TNNI3K: variants seen among roughly 807,000 people sequenced by gnomAD.
The protein encoded by TNNI3K is TNNI3 interacting kinase.
TNNI3K carries 140 observed loss-of-function variants against 114.5 expected under a neutral mutation model. The ratio of observed to expected loss-of-function variants is 1.22; its 90% CI spans 1.07 to 1.41. The LOEUF (loss-of-function observed/expected upper bound fraction) is 1.41, where lower values mean the gene tolerates loss of function less well. TNNI3K is among the 40% of genes most tolerant of loss of function. The pLI is 0.00. For missense variants in TNNI3K, 1,125 were observed against 1,007.6 expected, an observed-to-expected ratio of 1.12 and a Z score of -1.58; for synonymous variants, 347 against 347.5, an observed-to-expected ratio of 1.00 and a Z score of 0.02.
intron 5 of TNNI3K, among the ~76,000 whole-genome samples, chr1:74,279,329 T>C (rs924019492): frequency 2.6e-5 from 4 of 152,194 alleles, no homozygotes; most frequent in Non-Finnish European, 5.9e-5. Flanking sequence ...TCAGTTGCGG[T>C]TAGCTTTTTG....
Position 74,414,092 on chromosome 1 carries a change from C to T in TNNI3K, c.1773-21988C>T, listed in dbSNP as rs548314766. 1.4e-4 allele frequency among the ~76,000 whole-genome samples: 22 copies of T among 152,168 alleles called. 1 individual carries two copies. In the South Asian group the frequency reaches 3.3e-3, roughly 23 times the overall value. ...TACATACAGAGTGACAATTTTATAA[C>T]GGAGCTATTGTGTTTATTAGTGTTG... is the stretch of plus-strand genomic sequence containing the variant. On this transcript the variant is annotated intron_variant, in intron 17 of 24. Transcript: ENST00000326637.
intron 9 of TNNI3K, among the ~76,000 whole-genome samples, chr1:74,343,677 A>G (rs1420343378): frequency 6.6e-6 from 1 of 152,156 alleles, no homozygotes; most frequent in Non-Finnish European, 1.5e-5. Context: ...CAGGGTGGCC[A>G]CTCAGATACC....
intron 17 of TNNI3K, among the ~76,000 whole-genome samples, chr1:74,391,987 A>G (rs1452873849): frequency 3.4e-5 from 3 of 89,378 alleles, no homozygotes; most frequent in South Asian, 6.6e-4. Context: ...TTTTTTTGAG[A>G]CGGAGTCTCG....
Position 74,388,190 on chromosome 1 carries a change from A to G in TNNI3K, c.1772+17798A>G, listed in dbSNP as rs933499372. On this transcript the variant is annotated intron_variant, in intron 17 of 24. Transcript: ENST00000326637. The stretch of plus-strand genomic sequence containing the variant: ...CTACTCAGGAGGCTGAGGCAGAAGA[A>G]TGGCTTGAACCTGGGTGGCAGAGGT... Among the ~76,000 whole-genome samples the G allele has an allele frequency of 2.6e-5, 4 of 152,208 alleles. No homozygotes were observed. In the East Asian group the frequency reaches 7.7e-4, roughly 29 times the overall value.
At chr1:74,511,660 A>G (rs1252767742) in intron 23 of TNNI3K, among the ~76,000 whole-genome samples, 2 of 152,066 alleles carry the variant, frequency 1.3e-5, no homozygotes, top group African/African-American at 4.8e-5. Flanking sequence ...TCCTGGGGGA[A>G]TTCACAGTTT....
At chr1:74,355,520 T>C (rs1032156313) in intron 11 of TNNI3K, among the ~76,000 whole-genome samples, 5 of 151,828 alleles carry the variant, frequency 3.3e-5, no homozygotes, top group Admixed American at 2.6e-4. Context: ...AGGAGAATCA[T>C]TTGAACCCGG....
chr1:74,250,596 A>G, intron 3 of TNNI3K, 76 bp from the exon 4 acceptor site: 3 of 1,382,558 alleles, frequency 2.2e-6, no homozygotes, highest in African/African-American at 1.5e-5. Flanking sequence ...TATGGCATTT[A>G]TCATTAGGTC....
chr1:74,253,459 G>C (rs1482640329), intron 4 of TNNI3K, among the ~76,000 whole-genome samples: 1 of 152,152 alleles, frequency 6.6e-6, no homozygotes, highest in Non-Finnish European at 1.5e-5. Context: ...CTCAGGCATG[G>C]CGGGCTGCAG....
At chr1:74,247,940 G>C (rs993956145) in intron 2 of TNNI3K, among the ~76,000 whole-genome samples, 1 of 152,098 alleles carries the variant, frequency 6.6e-6, no homozygotes, top group East Asian at 1.9e-4. Flanking sequence ...ACTGGGCACC[G>C]TGGAGCAGGG....
At chr1:74,361,529 T>C (rs1162841275) in intron 11 of TNNI3K, among the ~76,000 whole-genome samples, 2 of 152,236 alleles carry the variant, frequency 1.3e-5, no homozygotes, top group African/African-American at 4.8e-5. Context: ...ATTGCCAACC[T>C]AATGTGTGAC....
Position 74,439,838 on chromosome 1 carries a change from A to G in TNNI3K, c.2011+216A>G, listed in dbSNP as rs148172307. Reference sequence around the variant, plus strand: ...GACCGAGACACACAGAAATGCAGGTATATTTTATTAAAGTTTGGGACTTGA... The same window carrying G: ...GACCGAGACACACAGAAATGCAGGTGTATTTTATTAAAGTTTGGGACTTGA... On this transcript the variant is annotated intron_variant, in intron 20 of 24. Coordinates refer to ENST00000326637, the MANE Select transcript of TNNI3K (RefSeq NM_015978.3). Among the ~76,000 whole-genome samples, 277 of 152,182 alleles carry G rather than the reference A, an allele frequency of 1.8e-3. 1 individual carries two copies. The highest frequency in any genetic ancestry group is 6.3e-3 in the African/African-American group (262 of 41,548).
intron 17 of TNNI3K, among the ~76,000 whole-genome samples, chr1:74,391,105 A>G (rs1663746019): frequency 6.6e-6 from 1 of 152,154 alleles, no homozygotes; most frequent in African/African-American, 2.4e-5. Context: ...TTTGAATATG[A>G]TAATACACCA....
At chr1:74,455,676 C>T (rs753229726) in intron 20 of TNNI3K, among the ~76,000 whole-genome samples, 2 of 152,104 alleles carry the variant, frequency 1.3e-5, no homozygotes, top group Admixed American at 6.6e-5. Context: ...AAGTTCCAGA[C>T]TCTGAAGGCC....
intron 4 of TNNI3K, among the ~76,000 whole-genome samples, chr1:74,264,765 T>A (rs188304248): frequency 1.3e-5 from 2 of 152,102 alleles, no homozygotes; most frequent in African/African-American, 4.8e-5. Context: ...TGACTAAACA[T>A]CTCTTGGGAC....
intron 5 of TNNI3K, among the ~76,000 whole-genome samples, chr1:74,329,857 T>C (rs1277696405): frequency 1.3e-5 from 2 of 152,066 alleles, no homozygotes; most frequent in Admixed American, 6.6e-5. Context: ...ATTCACACAA[T>C]TGACAAAACA....
intron 20 of TNNI3K, among the ~76,000 whole-genome samples, chr1:74,462,764 T>A (rs1667505906): frequency 6.6e-6 from 1 of 152,088 alleles, no homozygotes; most frequent in African/African-American, 2.4e-5. Flanking sequence ...ACAGTGAAGT[T>A]CTAAGAATCA....
intron 5 of TNNI3K, among the ~76,000 whole-genome samples, chr1:74,322,782 C>T (rs915583897): frequency 7.9e-5 from 12 of 152,012 alleles, no homozygotes. Context: ...ATCTGAAATC[C>T]ATTCTCCATC....
At chr1:74,418,182 T>G (rs1196482143) in intron 17 of TNNI3K, 1 of 454,402 alleles carries the variant, frequency 2.2e-6, no homozygotes, top group South Asian at 1.6e-5. Context: ...TCCTGAACTA[T>G]GTATGTGATT....
intron 23 of TNNI3K, among the ~76,000 whole-genome samples, chr1:74,520,619 A>C (rs945595460): frequency 6.6e-6 from 1 of 152,116 alleles, no homozygotes; most frequent in African/African-American, 2.4e-5. Context: ...AACTTCAAAA[A>C]AAAAATGGGA....
Sources: allele counts gnomAD v4.1 joint callset (sites outside exome capture counted in the v4.1 genomes callset), GRCh38; gene constraint gnomAD v4.1.1; transcripts MANE v1.5; gene names NCBI Gene and HGNC (gene_info 2026-07-23, HGNC 2026-07-21).